The following FUT8 variants were observed in gnomAD, a reference collection of about 807,000 sequenced individuals.
FUT8 encodes the protein alpha-(1,6)-fucosyltransferase.
A neutral mutation model predicts 71.3 loss-of-function variants in FUT8; 29 were observed. The observed-to-expected ratio is 0.41, with a 90% CI of 0.30 to 0.55. The LOEUF is 0.55. Ranked by LOEUF, FUT8 falls within the 20% of genes least tolerant of loss-of-function variation. FUT8 has a pLI of 0.34. For missense variants in FUT8, 544 were observed against 702.1 expected (o/e 0.77, Z 2.55); for synonymous variants, 254 against 239.3 (o/e 1.06, Z -0.57).
At chr14:65,369,454 G>T in the FUT8 span, among the ~76,000 whole-genome samples, 1 of 152,186 alleles carries the variant, frequency 6.6e-6, no homozygotes. The surrounding 1 kb of genome is among the most constrained non-coding windows in gnomAD (Gnocchi z 4.6). Flanking sequence ...CTACTGAGCT[G>T]CATTCCTAGA....
chr14:65,503,306 A>T (rs893732529), intron 2 of FUT8, among the ~76,000 whole-genome samples: 6 of 152,216 alleles, frequency 3.9e-5, no homozygotes. Flanking sequence ...TAACAAATTC[A>T]TGCATCAGAT....
chr14:65,599,670 T>G (rs1888198206), intron 3 of FUT8, among the ~76,000 whole-genome samples: 2 of 152,216 alleles, frequency 1.3e-5, no homozygotes, highest in South Asian at 2.1e-4. Flanking sequence ...TTTCAACATT[T>G]TGTCCTAAGT....
intron 1 of FUT8, among the ~76,000 whole-genome samples, chr14:65,416,942 C>T (rs763441282): frequency 2.6e-5 from 4 of 151,310 alleles, no homozygotes; most frequent in East Asian, 3.9e-4. Flanking sequence ...TGCCACCATG[C>T]GTGGCTAATT....
intron 6 of FUT8, among the ~76,000 whole-genome samples, chr14:65,644,920 A>G (rs1328643089): frequency 6.6e-6 from 1 of 152,214 alleles, no homozygotes; most frequent in Admixed American, 6.5e-5. Context: ...CCTTAGGGAC[A>G]CTGGACAGCA....
At chr14:65,393,451 C>T in the FUT8 span, among the ~76,000 whole-genome samples, 2 of 152,136 alleles carry the variant, frequency 1.3e-5, no homozygotes, top group Non-Finnish European at 2.9e-5. Context: ...AGCTCTTCGC[C>T]TCATGCCAGC....
intron 7 of FUT8, among the ~76,000 whole-genome samples, chr14:65,703,136 A>G (rs1455987474): frequency 1.3e-5 from 2 of 152,248 alleles, no homozygotes; most frequent in African/African-American, 4.8e-5. Context: ...GAAAGTTGTC[A>G]TGATACTGTC....
At position 65,561,364 on chromosome 14, in the gene FUT8, A is replaced by G. The variant is rs1885905041; in HGVS notation, c.-200A>G. On this transcript the variant is annotated 5_prime_UTR_variant, in exon 3 of 11. Coordinates refer to ENST00000673929, the MANE Select transcript of FUT8 (RefSeq NM_001371533.1). The stretch of plus-strand genomic sequence containing the variant: ...TGTAGAGCGCATGAAGTACAGGACA[A>G]TAAAGCTTCCTACACATATCACCAG... 1.2e-5 allele frequency: 7 copies of G among 588,862 alleles called. No individual in the cohort carries two copies. The highest frequency in any genetic ancestry group is 1.5e-5 in the Non-Finnish European group (5 of 330,228). 36.5% of individuals were successfully genotyped at this position (588,862 alleles called of 1,614,324 possible). A position where few individuals can be genotyped will look rare whatever the true frequency, so the allele number is the denominator to read the frequency against.
intron 2 of FUT8, among the ~76,000 whole-genome samples, chr14:65,469,940 C>T (rs1425068435): frequency 1.3e-5 from 2 of 152,178 alleles, no homozygotes; most frequent in Non-Finnish European, 1.5e-5. Flanking sequence ...GCAGCCCGGT[C>T]CCCAACGTTC....
At chr14:65,522,530 A>ATCAGGAGT (rs1883151091) in intron 2 of FUT8, among the ~76,000 whole-genome samples, 1 of 152,210 alleles carries the variant, frequency 6.6e-6, no homozygotes, top group Non-Finnish European at 1.5e-5. Flanking sequence ...GTATTTGAGC[A>ATCAGGAGT]TCAGGAGTTC....
chr14:65,509,697 C>T (rs993502840), intron 2 of FUT8, among the ~76,000 whole-genome samples: 1 of 151,858 alleles, frequency 6.6e-6, no homozygotes, highest in Non-Finnish European at 1.5e-5. Flanking sequence ...GTAAATGGGA[C>T]TGCTTTTTAA....
At chr14:65,694,767 A>G (rs1390288622) in intron 7 of FUT8, among the ~76,000 whole-genome samples, 2 of 151,774 alleles carry the variant, frequency 1.3e-5, no homozygotes, top group Non-Finnish European at 2.9e-5. Flanking sequence ...ATTGGAAATC[A>G]TCATTCTCAG....
chr14:65,668,646 G>C (rs569283097), intron 6 of FUT8, among the ~76,000 whole-genome samples: 1 of 152,206 alleles, frequency 6.6e-6, no homozygotes, highest in South Asian at 2.1e-4. Flanking sequence ...AACTTAGAGA[G>C]CTACTATTTG....
At chr14:65,521,883 T>A (rs1332807348) in intron 2 of FUT8, among the ~76,000 whole-genome samples, 2 of 144,900 alleles carry the variant, frequency 1.4e-5, no homozygotes, top group Non-Finnish European at 3.1e-5. Flanking sequence ...TTTTTTTTTT[T>A]AAATTCATAC....
intron 3 of FUT8, among the ~76,000 whole-genome samples, chr14:65,610,861 C>T (rs1666673067): frequency 1.3e-5 from 2 of 151,486 alleles, no homozygotes; most frequent in Admixed American, 1.3e-4. Flanking sequence ...CTAGGATAAA[C>T]CTTGGTTAAC....
Position 65,413,126 on chromosome 14 carries a change from T to TC in FUT8, c.-409dup, listed in dbSNP as rs1467807420. ...TCCTCCACTCAGCCACCCTTCCCAC[T>TC]CCCCCATCGTGGGGCAGCTGCGGCT... On this transcript the variant is annotated 5_prime_UTR_variant, in exon 1 of 11. Transcript: ENST00000673929. The surrounding 1 kb of genome is among the most constrained non-coding windows in gnomAD (Gnocchi z 4.1). The TC allele has an allele frequency of 6.6e-6, 1 of 152,542 alleles. No individual in the cohort carries two copies. The highest frequency in any genetic ancestry group is 6.5e-5 in the Admixed American group (1 of 15,282). 9.4% of individuals were successfully genotyped at this position (152,542 alleles called of 1,614,324 possible). A position where few individuals can be genotyped will look rare whatever the true frequency, so the allele number is the denominator to read the frequency against.
At chr14:65,667,492 A>T (rs1892274822) in intron 6 of FUT8, among the ~76,000 whole-genome samples, 1 of 152,146 alleles carries the variant, frequency 6.6e-6, no homozygotes, top group Non-Finnish European at 1.5e-5. Flanking sequence ...CTACAAGGGG[A>T]ATTACAAAAC....
chr14:65,590,460 C>T (rs1887629461), intron 3 of FUT8, among the ~76,000 whole-genome samples: 1 of 152,046 alleles, frequency 6.6e-6, no homozygotes, highest in East Asian at 1.9e-4. Context: ...AGAATAGGTA[C>T]CATTGGAAAA....
At chr14:65,557,821 A>G (rs1444092879) in intron 2 of FUT8, among the ~76,000 whole-genome samples, 1 of 152,166 alleles carries the variant, frequency 6.6e-6, no homozygotes, top group Non-Finnish European at 1.5e-5. Flanking sequence ...AAACACTGCT[A>G]TATAAATTTT....
intron 3 of FUT8, among the ~76,000 whole-genome samples, chr14:65,613,887 G>A (rs1334044091): frequency 6.6e-6 from 1 of 152,174 alleles, no homozygotes; most frequent in South Asian, 2.1e-4. Context: ...TGAGGTGGGC[G>A]GATCACTTGA....
Sources: gnomAD v4.1 joint callset for allele counts (sites outside exome capture counted in the v4.1 genomes callset) on GRCh38, gnomAD v4.1.1 for gene constraint, Gnocchi (gnomAD v3.1) non-coding constraint, MANE v1.5 for transcripts, NCBI Gene and HGNC (gene_info 2026-07-23, HGNC 2026-07-21) for gene names.